The following NRG3 variants were observed in gnomAD, a reference collection of about 807,000 sequenced individuals.
NRG3 encodes the protein neuregulin 3, also known as pro-neuregulin-3, membrane-bound isoform.
A neutral mutation model predicts 66.9 loss-of-function variants in NRG3; 31 were observed. That is an observed-to-expected ratio of 0.46 (90% CI 0.35 to 0.63). The LOEUF (loss-of-function observed/expected upper bound fraction) is 0.63, where lower values mean the gene tolerates loss of function less well. Among genes scored for constraint, NRG3 ranks in the 20% least tolerant of loss-of-function variants. NRG3 has a pLI of 0.00. For synonymous variants in NRG3, 393 were observed against 359.4 expected (o/e 1.09, Z -1.06); for missense variants, 910 against 878.9 (o/e 1.04, Z -0.45).
At position 82,160,469 on chromosome 10, in the gene NRG3, A is replaced by G. The variant is rs866679292; in HGVS notation, c.824-198270A>G. 2.8e-4 allele frequency among the ~76,000 whole-genome samples: 43 copies of G among 151,882 alleles called. 1 individual carries two copies. The highest frequency in any genetic ancestry group is 3.4e-3 in the Middle Eastern group (1 of 294). On this transcript the variant is annotated intron_variant, in intron 1 of 8. Coordinates refer to ENST00000372141, the MANE Select transcript of NRG3 (RefSeq NM_001010848.4). ...AACATCGCTAAACAGAGTGAATCAT[A>G]ATAATGGATTTTGTAAGGAATTTCT...
chr10:82,406,321 C>T (rs2087517925), intron 2 of NRG3, among the ~76,000 whole-genome samples: 1 of 152,138 alleles, frequency 6.6e-6, no homozygotes, highest in African/African-American at 2.4e-5. Context: ...ATAATTTAAA[C>T]AGCAACAACA....
intron 1 of NRG3, among the ~76,000 whole-genome samples, chr10:82,064,055 C>T (rs2064310342): frequency 6.6e-6 from 1 of 151,978 alleles, no homozygotes; most frequent in South Asian, 2.1e-4. Flanking sequence ...TACCTCATGT[C>T]AACATGAAAC....
intron 1 of NRG3, among the ~76,000 whole-genome samples, chr10:82,352,407 C>T (rs2083491642): frequency 6.6e-6 from 1 of 152,108 alleles, no homozygotes; most frequent in South Asian, 2.1e-4. Flanking sequence ...TGTGTGTTAT[C>T]TGTGGCTCAA....
chr10:82,866,980 A>G (rs1564582869), intron 4 of NRG3, among the ~76,000 whole-genome samples: 1 of 152,114 alleles, frequency 6.6e-6, no homozygotes, highest in African/African-American at 2.4e-5. Flanking sequence ...GACAGAGAGA[A>G]AAAAAATGTT....
chr10:82,197,936 C>T (rs2074532862), intron 1 of NRG3, among the ~76,000 whole-genome samples: 1 of 152,080 alleles, frequency 6.6e-6, no homozygotes, highest in Non-Finnish European at 1.5e-5. Flanking sequence ...TGGCTGTCGA[C>T]ATCTTATATT....
intron 2 of NRG3, among the ~76,000 whole-genome samples, chr10:82,630,136 G>A (rs1291826617): frequency 6.6e-6 from 1 of 152,044 alleles, no homozygotes; most frequent in Non-Finnish European, 1.5e-5. Flanking sequence ...TACAAACAAT[G>A]GGTTTGTTCC....
At chr10:82,402,007 T>G (rs1217499832) in intron 2 of NRG3, among the ~76,000 whole-genome samples, 5 of 152,120 alleles carry the variant, frequency 3.3e-5, no homozygotes, top group African/African-American at 1.2e-4. Flanking sequence ...TTGAGAAATA[T>G]CAACAGTAAT....
At chr10:82,724,086 A>G (rs2057460571) in intron 2 of NRG3, among the ~76,000 whole-genome samples, 1 of 151,586 alleles carries the variant, frequency 6.6e-6, no homozygotes, top group Admixed American at 6.6e-5. Context: ...AAAAAAAACA[A>G]GAAACAGGAA....
intron 2 of NRG3, among the ~76,000 whole-genome samples, chr10:82,522,702 TA>T (rs78673803): frequency 5.1e-3 from 708 of 138,118 alleles, no homozygotes; most frequent in Middle Eastern, 0.011. Context: ...GCCTGTTTAC[TA>T]AAAAAAAAAA....
chr10:82,194,365 TG>T (rs1327771810), intron 1 of NRG3, among the ~76,000 whole-genome samples: 1 of 151,944 alleles, frequency 6.6e-6, no homozygotes, highest in Admixed American at 6.6e-5. Context: ...CAAGTAAGTG[TG>T]AAAAGTGAGA....
At chr10:82,511,924 T>C (rs372387051) in intron 2 of NRG3, among the ~76,000 whole-genome samples, 28 of 152,292 alleles carry the variant, frequency 1.8e-4, no homozygotes, top group Middle Eastern at 3.4e-3. Flanking sequence ...AACAGGCATA[T>C]TCAAATTGCA....
chr10:82,181,275 C>G (rs80198615), intron 1 of NRG3, among the ~76,000 whole-genome samples: 2,924 of 151,386 alleles, frequency 0.019, 101 homozygotes, highest in East Asian at 0.13. Flanking sequence ...ATTATTTTCT[C>G]CTTTCTGGTA....
intron 4 of NRG3, among the ~76,000 whole-genome samples, chr10:82,917,968 G>GATATATATA (rs1846020919): frequency 1.0e-5 from 1 of 97,424 alleles, no homozygotes; most frequent in South Asian, 4.0e-4. Context: ...GTGTGTGTGT[G>GATATATATA]TGTATATATA....
chr10:82,472,222 G>T (rs1183764496), intron 2 of NRG3, among the ~76,000 whole-genome samples: 1 of 152,158 alleles, frequency 6.6e-6, no homozygotes, highest in African/African-American at 2.4e-5. Flanking sequence ...AGAGCCTGGG[G>T]CATTGAACAC....
At chr10:81,940,337 T>C (rs1848296759) in intron 1 of NRG3, among the ~76,000 whole-genome samples, 2 of 152,068 alleles carry the variant, frequency 1.3e-5, no homozygotes, top group Non-Finnish European at 2.9e-5. Flanking sequence ...TTCTCTCTGA[T>C]TATTAATGAG....
rs185997154 is a variant in NRG3 at position 82,695,797 on chromosome 10, C to T, written c.954-42780C>T. On this transcript the variant is annotated intron_variant, in intron 2 of 8. Coordinates refer to ENST00000372141, the MANE Select transcript of NRG3 (RefSeq NM_001010848.4). ...TCTGACTCCTCCCAGATCACGTGTC[C>T]ACCATTTTATTTTATCTAGGGAATG... Among the ~76,000 whole-genome samples, 5 of 152,104 alleles carry T rather than the reference C, an allele frequency of 3.3e-5. No individual in the cohort carries two copies. In the East Asian group the frequency reaches 9.7e-4, roughly 29 times the overall value.
At chr10:82,049,044 C>T (rs906285806) in intron 1 of NRG3, among the ~76,000 whole-genome samples, 1 of 152,056 alleles carries the variant, frequency 6.6e-6, no homozygotes, top group African/African-American at 2.4e-5. Context: ...CAGGACTAAA[C>T]CAGGAAGAAG....
chr10:81,973,497 A>G (rs1036578742), intron 1 of NRG3, among the ~76,000 whole-genome samples: 9 of 152,174 alleles, frequency 5.9e-5, no homozygotes, highest in South Asian at 2.1e-4. Context: ...GTCTTCCACA[A>G]TGGCTGAACT....
chr10:82,185,197 T>C (rs1230805323), intron 1 of NRG3, among the ~76,000 whole-genome samples: 1 of 151,948 alleles, frequency 6.6e-6, no homozygotes, highest in African/African-American at 2.4e-5. Flanking sequence ...GAGTGAGTAA[T>C]GAAAGGAAAC....
Sources: allele counts gnomAD v4.1 joint callset (sites outside exome capture counted in the v4.1 genomes callset), GRCh38; gene constraint gnomAD v4.1.1; transcripts MANE v1.5; gene names NCBI Gene and HGNC (gene_info 2026-07-23, HGNC 2026-07-21).